The following PNO1 variants were observed in gnomAD, a reference collection of about 807,000 sequenced individuals.
The protein encoded by PNO1 is partner of NOB1 homolog.
A neutral mutation model predicts 28.4 loss-of-function variants in PNO1; 16 were observed. The observed-to-expected ratio is 0.56, with a 90% CI of 0.38 to 0.85. The LOEUF (loss-of-function observed/expected upper bound fraction) is 0.85, where lower values mean the gene tolerates loss of function less well. Ranked by LOEUF, PNO1 falls within the 40% of genes least tolerant of loss-of-function variation. The probability of loss-of-function intolerance (pLI) is 0.00; values close to 1 mark genes in which losing one functional copy is unlikely to be tolerated. For synonymous variants in PNO1, 115 were observed against 110.8 expected (o/e 1.04, Z -0.24); for missense variants, 304 against 312.2 (o/e 0.97, Z 0.20).
At chr2:68,160,453 C>A (rs1449908712) in intron 2 of PNO1, among the ~76,000 whole-genome samples, 4 of 152,168 alleles carry the variant, frequency 2.6e-5, no homozygotes. Context: ...CCGGGTCTAG[C>A]TCAAGTTCTT....
chr2:68,157,963 C>T lies in PNO1; in HGVS notation c.29C>T (p.Ala10Val), dbSNP rs1438630885. The T allele has an allele frequency of 5.6e-6, 9 of 1,614,094 alleles. No homozygotes were observed. Among genetic ancestry groups the T allele is most frequent in the Middle Eastern group, 1.6e-4 (1 of 6,062 alleles). Residue 10 changes from alanine to valine, a missense_variant, in exon 1 of 7, where the codon GCC becomes GTC. By Grantham distance (64) the Ala-to-Val change is moderately conservative. Transcript: ENST00000263657. The part of the protein sequence containing the change: MESEMETQS[A>V]RAEEGFTQVT... Reference sequence around the variant, plus strand: ...GAATCCGAAATGGAAACGCAGAGCGCCAGGGCAGAGGAGGGCTTTACCCAG... The same window carrying T: ...GAATCCGAAATGGAAACGCAGAGCGTCAGGGCAGAGGAGGGCTTTACCCAG...
At chr2:68,169,097 T>C (rs1473313352) in intron 5 of PNO1, among the ~76,000 whole-genome samples, 1 of 151,832 alleles carries the variant, frequency 6.6e-6, no homozygotes, top group Non-Finnish European at 1.5e-5. Context: ...CCCAGCTAAT[T>C]TTTTTGTATT....
chr2:68,172,992 C>T (rs1674169339), intron 5 of PNO1: 1 of 183,892 alleles, frequency 5.4e-6, no homozygotes, highest in Admixed American at 6.2e-5. Flanking sequence ...AACCACTGCC[C>T]TCATTAAAGA....
chr2:68,175,076 A>G lies in PNO1; in HGVS notation c.*274A>G, dbSNP rs868783175. 3.2e-6 allele frequency: 1 copy of G among 314,532 alleles called. No individual in the cohort carries two copies. The highest frequency in any genetic ancestry group is 7.4e-5 in the South Asian group (1 of 13,582). 19.5% of individuals were successfully genotyped at this position (314,532 alleles called of 1,614,324 possible). A position where few individuals can be genotyped will look rare whatever the true frequency, so the allele number is the denominator to read the frequency against. On this transcript the variant is annotated 3_prime_UTR_variant, in exon 7 of 7. Transcript: ENST00000263657. ...TGAAATCACATGTAGCAGATTGCAT[A>G]GTCTGTAATCCTCTCAGAGGGAAAC... is the stretch of plus-strand genomic sequence containing the variant.
intron 5 of PNO1, among the ~76,000 whole-genome samples, chr2:68,169,175 C>T (rs527473428): frequency 9.2e-4 from 140 of 152,118 alleles, no homozygotes; most frequent in Non-Finnish European, 1.4e-3. Context: ...GCAGTCCACC[C>T]GCCTCGGGCT....
chr2:68,163,831 G>A (rs1673907167), intron 5 of PNO1, among the ~76,000 whole-genome samples: 1 of 152,156 alleles, frequency 6.6e-6, no homozygotes, highest in African/African-American at 2.4e-5. Context: ...CCCTGTCTGA[G>A]GTTGAAGCTG....
chr2:68,169,192 G>A (rs988252507), intron 5 of PNO1, among the ~76,000 whole-genome samples: 11 of 152,056 alleles, frequency 7.2e-5, no homozygotes, highest in African/African-American at 2.7e-4. Context: ...GGCTCCCAAA[G>A]TGCTGGGATT....
intron 4 of PNO1, 26 bp from the exon 5 acceptor site, chr2:68,162,519 TC>T: frequency 6.7e-7 from 1 of 1,493,382 alleles, no homozygotes; most frequent in Non-Finnish European, 9.3e-7. Context: ...ATGGCTTGCC[TC>T]CTGAGATCTT....
At chr2:68,160,182 G>A (rs1352197303) in intron 2 of PNO1, among the ~76,000 whole-genome samples, 2 of 151,872 alleles carry the variant, frequency 1.3e-5, no homozygotes, top group African/African-American at 2.4e-5. Context: ...TGTTAGCCAG[G>A]ATGGTCTTGA....
intron 5 of PNO1, among the ~76,000 whole-genome samples, chr2:68,167,507 A>G (rs1321640732): frequency 1.3e-5 from 2 of 152,230 alleles, no homozygotes; most frequent in African/African-American, 2.4e-5. Context: ...CTTTATAGAT[A>G]ACGGCAGTCC....
At chr2:68,172,274 GC>G (rs1421784643) in intron 5 of PNO1, among the ~76,000 whole-genome samples, 1 of 151,866 alleles carries the variant, frequency 6.6e-6, no homozygotes, top group Non-Finnish European at 1.5e-5. Flanking sequence ...CAGATCCAAA[GC>G]CAAAGGGTTT....
chr2:68,170,543 C>G (rs746988715), intron 5 of PNO1, among the ~76,000 whole-genome samples: 14 of 152,012 alleles, frequency 9.2e-5, no homozygotes, highest in Admixed American at 9.2e-4. Context: ...GTCAGGAGAT[C>G]GAGACCATCC....
rs1328850644 is a variant in PNO1 at position 68,157,891 on chromosome 2, G to A, written c.-44G>A. ...CTGAGGCTGGCTTCTGCGTGGTGCA[G>A]CTGCGCACGTGTTTCAGCCGGCAGC... On this transcript the variant is annotated 5_prime_UTR_variant, in exon 1 of 7. Coordinates refer to ENST00000263657, the MANE Select transcript of PNO1 (RefSeq NM_020143.4). 5.1e-6 allele frequency: 8 copies of A among 1,568,526 alleles called. No individual in the cohort carries two copies. The highest frequency in any genetic ancestry group is 7.0e-6 in the Non-Finnish European group (8 of 1,140,522).
chr2:68,159,548 G>C (rs936012371), intron 2 of PNO1, among the ~76,000 whole-genome samples: 3 of 151,950 alleles, frequency 2.0e-5, no homozygotes, highest in Non-Finnish European at 4.4e-5. Context: ...CCGGGAATTA[G>C]ACATTTAAAT....
chr2:68,161,200 T>C (rs1187446707), intron 2 of PNO1: 1 of 471,168 alleles, frequency 2.1e-6, no homozygotes, highest in Non-Finnish European at 4.4e-6. Flanking sequence ...ATTCATTCTT[T>C]ATTTCCCCAA....
rs1172707648 is a variant in PNO1, at chr2:68,158,136, C to A, written c.202C>A (p.Leu68Ile). 1 of 1,597,424 alleles carries A rather than the reference C, an allele frequency of 6.3e-7. No individual in the cohort carries two copies. The highest frequency in any genetic ancestry group is 1.1e-5 in the South Asian group (1 of 89,714). Reference sequence around the variant, plus strand: ...CTTCCCACCCCTCTGTGGGGACGGGCTCCTGGTATGTGGCTGGGACCCTAG... The same window carrying A: ...CTTCCCACCCCTCTGTGGGGACGGGATCCTGGTATGTGGCTGGGACCCTAG... ...PVFPPLCGDG[L>I]LSGKEETRKI... Residue 68 changes from leucine to isoleucine, a missense_variant, in exon 1 of 7, where the codon CTC becomes ATC. Transcript: ENST00000263657.
chr2:68,160,905 C>T (rs1049575152), intron 2 of PNO1, among the ~76,000 whole-genome samples: 1 of 152,210 alleles, frequency 6.6e-6, no homozygotes, highest in Non-Finnish European at 1.5e-5. Context: ...TTGTTGAATA[C>T]GTGGTCTCTT....
rs1394407905 is a variant in PNO1, at chr2:68,175,751, C to T, written c.*949C>T. 1 of 152,206 alleles carries T rather than the reference C, an allele frequency of 6.6e-6. No individual in the cohort carries two copies. The highest frequency in any genetic ancestry group is 2.4e-5 in the African/African-American group (1 of 41,444). The allele number at this position is 152,206 out of a possible 1,614,324, so 9.4% of individuals were successfully genotyped here. ...CAAATGAGTATTTAATGAAAGTATACATAACCAATGTTGGGTATACAGATG... is the reference window on the plus strand; with the variant it reads ...CAAATGAGTATTTAATGAAAGTATATATAACCAATGTTGGGTATACAGATG... On this transcript the variant is annotated 3_prime_UTR_variant, in exon 7 of 7. Coordinates refer to ENST00000263657, the MANE Select transcript of PNO1 (RefSeq NM_020143.4).
At chr2:68,172,029 G>A (rs1674144021) in intron 5 of PNO1, among the ~76,000 whole-genome samples, 1 of 152,194 alleles carries the variant, frequency 6.6e-6, no homozygotes, top group South Asian at 2.1e-4. Context: ...TGTGACCATG[G>A]ATGGAAGAGG....
Sources: allele counts gnomAD v4.1 joint callset (sites outside exome capture counted in the v4.1 genomes callset), GRCh38; gene constraint gnomAD v4.1.1; transcripts MANE v1.5; gene names NCBI Gene and HGNC (gene_info 2026-07-23, HGNC 2026-07-21).